Variants in DAB1 observed in about 807,000 individuals in gnomAD.
DAB1 encodes the protein disabled homolog 1.
DAB1 carries 15 observed loss-of-function variants against 64.6 expected under a neutral mutation model. The ratio of observed to expected loss-of-function variants is 0.23; its 90% CI spans 0.16 to 0.36. DAB1 has a LOEUF of 0.36. DAB1 is among the 10% of genes least tolerant of loss of function. The probability of loss-of-function intolerance (pLI) is 1.00; values close to 1 mark genes in which losing one functional copy is unlikely to be tolerated. For synonymous variants in DAB1, 235 were observed against 251.9 expected (o/e 0.93, Z 0.64); for missense variants, 596 against 706.7 (o/e 0.84, Z 1.78).
chr1:57,427,954 G>T (rs956750072), upstream of DAB1, among the ~76,000 whole-genome samples: 3 of 152,138 alleles, frequency 2.0e-5, no homozygotes, highest in African/African-American at 7.2e-5. Flanking sequence ...GAACACCTGA[G>T]GTCAGGAGTT....
intron 4 of DAB1, among the ~76,000 whole-genome samples, chr1:58,211,486 C>A (rs1335723761): frequency 6.6e-6 from 1 of 152,144 alleles, no homozygotes; most frequent in Admixed American, 6.5e-5. Flanking sequence ...TTAGTCAAGG[C>A]ATGATTAGTT....
At position 58,424,835 on chromosome 1, in the gene DAB1, GA is replaced by G. The variant is rs1340388016; in HGVS notation, n.257+81224del. On this transcript the variant is annotated intron_variant and non_coding_transcript_variant, in intron 3 of 20. Coordinates refer to the DAB1 transcript ENST00000485760. ...TCAAACATTAAGCATGAGGGAGAAGGAGGCATCTATGATGAGTTCTAAGCCT... is the reference window on the plus strand; with the variant it reads ...TCAAACATTAAGCATGAGGGAGAAGGGGCATCTATGATGAGTTCTAAGCCT... Among the ~76,000 whole-genome samples, 5 of 151,862 alleles carry G rather than the reference GA, an allele frequency of 3.3e-5. No individual in the cohort carries two copies. The East Asian group carries it at 7.8e-4, about 24-fold the overall frequency.
intron 6 of DAB1, among the ~76,000 whole-genome samples, chr1:57,656,369 T>C (rs895097638): frequency 4.0e-5 from 6 of 151,894 alleles, no homozygotes; most frequent in Non-Finnish European, 8.8e-5. Context: ...TGTGTGTGTG[T>C]TTTTGTGCTC....
chr1:57,894,808 A>C (rs986292466), intron 5 of DAB1, among the ~76,000 whole-genome samples: 1 of 152,212 alleles, frequency 6.6e-6, no homozygotes. Flanking sequence ...ATGAAACACG[A>C]AACACCCAAG....
intron 4 of DAB1, among the ~76,000 whole-genome samples, chr1:58,244,514 G>A (rs1242162170): frequency 6.6e-6 from 1 of 152,142 alleles, no homozygotes; most frequent in East Asian, 1.9e-4. Context: ...AAAAGAGTTG[G>A]ACAAAAGCTT....
At chr1:58,543,893 T>C (rs1004852531) in intron 1 of DAB1, among the ~76,000 whole-genome samples, 7 of 152,302 alleles carry the variant, frequency 4.6e-5, no homozygotes, top group East Asian at 1.9e-4. Context: ...AGCCCCTACA[T>C]GTGGCTACTG....
At chr1:58,035,000 T>C (rs1487442351) in intron 5 of DAB1, among the ~76,000 whole-genome samples, 1 of 152,220 alleles carries the variant, frequency 6.6e-6, no homozygotes, top group Non-Finnish European at 1.5e-5. Context: ...GTAGCAGAAG[T>C]AACACCCTGT....
At chr1:58,104,097 A>C (rs2100637793) in intron 5 of DAB1, among the ~76,000 whole-genome samples, 1 of 152,354 alleles carries the variant, frequency 6.6e-6, no homozygotes, top group Non-Finnish European at 1.5e-5. Flanking sequence ...ACAGCTGCTA[A>C]GAAACCTGTC....
intron 6 of DAB1, among the ~76,000 whole-genome samples, chr1:57,784,446 G>T (rs746051934): frequency 5.9e-5 from 9 of 152,072 alleles, no homozygotes; most frequent in Non-Finnish European, 1.3e-4. Flanking sequence ...GTACTAAACA[G>T]CCAAGTTATA....
intron 7 of DAB1, among the ~76,000 whole-genome samples, chr1:57,550,311 G>A (rs1644900325): frequency 6.6e-6 from 1 of 152,134 alleles, no homozygotes; most frequent in Non-Finnish European, 1.5e-5. Flanking sequence ...GCTCTCCAGA[G>A]GCTAGACCAT....
intron 5 of DAB1, among the ~76,000 whole-genome samples, chr1:58,026,594 G>A (rs1646898819): frequency 6.6e-6 from 1 of 152,146 alleles, no homozygotes. Flanking sequence ...CCTAGAAATA[G>A]AAGACTCCTG....
intron 4 of DAB1, among the ~76,000 whole-genome samples, chr1:58,226,246 T>C (rs1463490158): frequency 1.3e-5 from 2 of 152,214 alleles, no homozygotes; most frequent in Non-Finnish European, 2.9e-5. Flanking sequence ...ATACAAATAT[T>C]GGTTGGCTGA....
intron 6 of DAB1, among the ~76,000 whole-genome samples, chr1:57,691,626 C>T (rs1028093362): frequency 2.0e-5 from 3 of 152,128 alleles, no homozygotes; most frequent in Non-Finnish European, 4.4e-5. Context: ...CATGAACTCA[C>T]CAGAAGGAAG....
intron 3 of DAB1, among the ~76,000 whole-genome samples, chr1:58,455,524 G>A (rs984072881): frequency 2.0e-5 from 3 of 152,194 alleles, no homozygotes; most frequent in Admixed American, 6.5e-5. Flanking sequence ...GGGGTGAGGC[G>A]GTGCAGTTTA....
rs141426641 is a variant in DAB1, at chr1:57,902,544, C to T, written n.388-18382G>A. 7.0e-4 allele frequency among the ~76,000 whole-genome samples: 106 copies of T among 152,236 alleles called. 1 individual carries two copies. Among genetic ancestry groups the T allele is most frequent in the African/African-American group, 2.5e-3 (103 of 41,546 alleles). On this transcript the variant is annotated intron_variant and non_coding_transcript_variant, in intron 5 of 20. Transcript: ENST00000485760. The stretch of plus-strand genomic sequence containing the variant: ...TCCCATTTAGGATCAAATCAAGGGC[C>T]ATGTTTTGCATTTAATTGTCATTTC...
At chr1:58,142,822 G>A (rs1363507621) in intron 5 of DAB1, among the ~76,000 whole-genome samples, 1 of 152,176 alleles carries the variant, frequency 6.6e-6, no homozygotes, top group East Asian at 1.9e-4. Context: ...TCTCTCTGCA[G>A]CCAGAGCCTT....
At chr1:57,431,618 G>A (rs1240963363) in intron 7 of DAB1, among the ~76,000 whole-genome samples, 1 of 152,150 alleles carries the variant, frequency 6.6e-6, no homozygotes, top group Non-Finnish European at 1.5e-5. Context: ...TTTTTCCAAG[G>A]AGCGGGTAGC....
At chr1:58,217,310 AC>A (rs1437776444) in intron 4 of DAB1, among the ~76,000 whole-genome samples, 6 of 152,182 alleles carry the variant, frequency 3.9e-5, no homozygotes, top group African/African-American at 1.4e-4. Context: ...CCCAAGCAGG[AC>A]CTGGAGCCTG....
intron 5 of DAB1, among the ~76,000 whole-genome samples, chr1:57,922,265 T>A (rs1034325667): frequency 5.3e-5 from 8 of 150,850 alleles, no homozygotes; most frequent in Non-Finnish European, 1.2e-4. Context: ...AGGCCTGCCA[T>A]TAAGTAGGTA....
Sources: allele counts gnomAD v4.1 joint callset (sites outside exome capture counted in the v4.1 genomes callset), GRCh38; gene constraint gnomAD v4.1.1; transcripts MANE v1.5; gene names NCBI Gene and HGNC (gene_info 2026-07-23, HGNC 2026-07-21).